Variants in RGS8 observed in about 807,000 individuals in gnomAD.
The protein encoded by RGS8 is regulator of G-protein signaling 8.
A neutral mutation model predicts 21.7 loss-of-function variants in RGS8; 8 were observed. The ratio of observed to expected loss-of-function variants is 0.37; its 90% confidence interval spans 0.22 to 0.66. The LOEUF is 0.66. RGS8 is among the 30% of genes least tolerant of loss of function. RGS8 has a pLI of 0.59. For synonymous variants in RGS8, 80 were observed against 83.6 expected (o/e 0.96, Z 0.24); for missense variants, 157 against 217.9 (o/e 0.72, Z 1.76).
exon 4 of RGS8, chr1:182,666,886 G>A: frequency 6.2e-7 from 1 of 1,613,896 alleles, no homozygotes; most frequent in Non-Finnish European, 8.5e-7. Context: ...GAGCGCGGTT[G>A]GGTTTGTCTG....
the RGS8 span, among the ~76,000 whole-genome samples, chr1:182,691,550 T>C: frequency 1.6e-5 from 2 of 128,576 alleles, no homozygotes; most frequent in East Asian, 4.6e-4. Context: ...AGAAACCACA[T>C]GATCATCTCA....
In RGS8 at chr1:182,665,511, A is replaced by G. The variant is rs1259073917; in HGVS notation, c.193+458T>C. ...GCAAACCCTCAAAACAAAAAGCAAC[A>G]ATAAAACTCAAAAACTGTCAACTCA... On this transcript the variant is annotated intron_variant, in intron 5 of 6. Transcript: ENST00000483095. Among the ~76,000 whole-genome samples the G allele has an allele frequency of 2.0e-5, 3 of 152,192 alleles. No individual in the cohort carries two copies. The East Asian group carries it at 5.8e-4, about 29-fold the overall frequency.
chr1:182,744,280 T>C, the RGS8 span, among the ~76,000 whole-genome samples: 2 of 151,716 alleles, frequency 1.3e-5, no homozygotes, highest in African/African-American at 4.8e-5. Context: ...CATCACCACA[T>C]CTGGCTAACT....
the RGS8 span, among the ~76,000 whole-genome samples, chr1:182,750,765 T>A: frequency 3.4e-5 from 1 of 29,330 alleles, no homozygotes; most frequent in African/African-American, 1.1e-4. Flanking sequence ...AAGTTTACTA[T>A]CTAGACTCTA....
intron 5 of RGS8, among the ~76,000 whole-genome samples, chr1:182,651,862 T>C (rs563327304): frequency 1.3e-5 from 2 of 152,280 alleles, no homozygotes; most frequent in Admixed American, 1.3e-4. Flanking sequence ...GTTTTCTCCT[T>C]GAAGGAGACC....
At chr1:182,747,566 C>A in the RGS8 span, among the ~76,000 whole-genome samples, 1 of 152,174 alleles carries the variant, frequency 6.6e-6, no homozygotes, top group Non-Finnish European at 1.5e-5. Flanking sequence ...AATGAGCCAG[C>A]TATGGGAGAT....
At chr1:182,699,515 C>T in the RGS8 span, among the ~76,000 whole-genome samples, 4 of 152,166 alleles carry the variant, frequency 2.6e-5, no homozygotes, top group Non-Finnish European at 4.4e-5. Context: ...GCACATGCCA[C>T]GGGGAAAGTG....
At chr1:182,729,875 G>T in the RGS8 span, among the ~76,000 whole-genome samples, 6 of 152,088 alleles carry the variant, frequency 3.9e-5, no homozygotes, top group African/African-American at 1.2e-4. Flanking sequence ...AAGAAAGAAC[G>T]AACGGAGGAT....
intron 5 of RGS8, among the ~76,000 whole-genome samples, chr1:182,656,439 G>GAA (rs1481187568): frequency 1.3e-5 from 2 of 152,178 alleles, no homozygotes; most frequent in African/African-American, 4.8e-5. Context: ...CAATAACTTG[G>GAA]AACCTGCCTA....
intron 1 of RGS8, among the ~76,000 whole-genome samples, chr1:182,683,603 A>G (rs1258614041): frequency 1.3e-5 from 2 of 150,252 alleles, no homozygotes; most frequent in Non-Finnish European, 3.0e-5. Context: ...ACAGAAAGAG[A>G]AGAGCAACCC....
chr1:182,721,047 ATACATATATATGTGTG>A, the RGS8 span, among the ~76,000 whole-genome samples: 1 of 40,012 alleles, frequency 2.5e-5, no homozygotes, highest in African/African-American at 9.7e-5. Flanking sequence ...ATACATATAC[ATACATATATATGTGTG>A]TATATATACA....
the RGS8 span, among the ~76,000 whole-genome samples, chr1:182,740,429 T>C: frequency 6.6e-6 from 1 of 152,124 alleles, no homozygotes; most frequent in Non-Finnish European, 1.5e-5. Context: ...ATAATATTAC[T>C]ATCTCCATTT....
chr1:182,668,839 G>A (rs1185565806), intron 3 of RGS8, among the ~76,000 whole-genome samples: 5 of 152,212 alleles, frequency 3.3e-5, no homozygotes, highest in Non-Finnish European at 1.5e-5. Flanking sequence ...AGCTGATTGA[G>A]GGCCCTCGAG....
At chr1:182,693,727 C>T in the RGS8 span, among the ~76,000 whole-genome samples, 1 of 152,182 alleles carries the variant, frequency 6.6e-6, no homozygotes, top group South Asian at 2.1e-4. Context: ...ACCTAGACAC[C>T]CATCAATGGG....
At chr1:182,745,320 C>T in the RGS8 span, among the ~76,000 whole-genome samples, 1 of 151,384 alleles carries the variant, frequency 6.6e-6, no homozygotes, top group Non-Finnish European at 1.5e-5. Flanking sequence ...AAATGAAATT[C>T]TGAAGGGCCT....
chr1:182,747,975 T>C, the RGS8 span, among the ~76,000 whole-genome samples: 12 of 152,380 alleles, frequency 7.9e-5, no homozygotes, highest in South Asian at 2.3e-3. Flanking sequence ...GCTTTTTTTA[T>C]TTTTAAAAGT....
At chr1:182,659,891 A>T (rs1032894722) in intron 5 of RGS8, among the ~76,000 whole-genome samples, 4 of 152,058 alleles carry the variant, frequency 2.6e-5, no homozygotes, top group African/African-American at 9.7e-5. Context: ...ATTCCCTCAC[A>T]TGCATGGGGA....
At chr1:182,685,657 A>T (rs1225456664), upstream of RGS8, among the ~76,000 whole-genome samples, 2 of 152,136 alleles carry the variant, frequency 1.3e-5, no homozygotes, top group Non-Finnish European at 2.9e-5. Flanking sequence ...CGACTCTTGC[A>T]GGTCTCCAGT....
upstream of RGS8, among the ~76,000 whole-genome samples, chr1:182,688,043 A>G (rs1214701756): frequency 6.6e-6 from 1 of 152,238 alleles, no homozygotes; most frequent in Non-Finnish European, 1.5e-5. Context: ...TGTCTGGTAG[A>G]GGTAAGGCTT....
Sources: allele counts gnomAD v4.1 joint callset (sites outside exome capture counted in the v4.1 genomes callset), GRCh38; gene constraint gnomAD v4.1.1; transcripts MANE v1.5; gene names NCBI Gene and HGNC (gene_info 2026-07-23, HGNC 2026-07-21).